The following OPTN variants were observed in gnomAD, a reference collection of about 807,000 sequenced individuals.
The protein encoded by OPTN is E3-14.7K-interacting protein.
Under a neutral mutation model 70.4 loss-of-function variants are expected in OPTN, and 54 were observed. The ratio of observed to expected loss-of-function variants is 0.77; its 90% confidence interval spans 0.62 to 0.96. OPTN has a LOEUF of 0.96. OPTN is among the 40% of genes least tolerant of loss of function. The pLI is 0.00. For missense variants in OPTN, 624 were observed against 673.2 expected (o/e 0.93, Z 0.81); for synonymous variants, 256 against 248.5 (o/e 1.03, Z -0.28).
chr10:13,111,090 T>A (rs1273387544), intron 4 of OPTN, among the ~76,000 whole-genome samples: 1 of 152,106 alleles, frequency 6.6e-6, no homozygotes, highest in Non-Finnish European at 1.5e-5. Flanking sequence ...AAGTTTGAAA[T>A]CCCCACTGGG....
chr10:13,113,896 T>C (rs1003655870), intron 5 of OPTN, among the ~76,000 whole-genome samples: 2 of 147,426 alleles, frequency 1.4e-5, no homozygotes, highest in African/African-American at 5.0e-5. Context: ...TGTGTGTACA[T>C]AAAAAAAAAA....
Position 13,124,003 on chromosome 10 carries a change from C to T in OPTN, c.891C>T (p.Ser297=), listed in dbSNP as rs200169099. ...DEEKGPETVG[S]EVEALNLQVT... is the part of the protein sequence containing the mutation. ...GATTTCCCGTATGATAGGTTGGAAGCGAAGTGGAAGCACTGAACCTCCAGG... is the reference window on the plus strand; with the variant it reads ...GATTTCCCGTATGATAGGTTGGAAGTGAAGTGGAAGCACTGAACCTCCAGG... The change falls in exon 9 of 15, where the codon AGC becomes AGT. Residue 297 remains serine, a synonymous_variant. Coordinates refer to ENST00000378747, the MANE Select transcript of OPTN (RefSeq NM_001008212.2). 36 of 1,612,074 alleles carry T rather than the reference C, an allele frequency of 2.2e-5. No individual in the cohort carries two copies. The highest frequency in any genetic ancestry group is 1.3e-4 in the East Asian group (6 of 44,874).
Position 13,122,462 on chromosome 10 carries a change from A to G in OPTN, c.857A>G (p.Asn286Ser), listed in dbSNP as rs554535164. The G allele has an allele frequency of 3.7e-6, 6 of 1,613,882 alleles. No individual in the cohort carries two copies. The South Asian group carries it at 5.5e-5, about 15-fold the overall frequency. The change falls in exon 8 of 15, where the codon AAT (asparagine) becomes AGT (serine). Residue 286 changes from asparagine to serine, a missense_variant. Physicochemically the swap from Asn to Ser is conservative, Grantham distance 46. Transcript: ENST00000378747. ...ACAGAGGGGAGCACAGAGAAAGAGA[A>G]TGATGAAGAGAAAGGCCCGGAGACT... ...TQTEGSTEKENDEEKGPETVG... is the reference protein window; with the variant it reads ...TQTEGSTEKESDEEKGPETVG...
At chr10:13,118,478 G>A (rs1833268344) in intron 6 of OPTN, among the ~76,000 whole-genome samples, 1 of 152,190 alleles carries the variant, frequency 6.6e-6, no homozygotes, top group African/African-American at 2.4e-5. Context: ...CTTGGAGAAA[G>A]GCCAGTGGTC....
chr10:13,114,918 GA>G, intron 5 of OPTN, among the ~76,000 whole-genome samples: 1 of 37,010 alleles, frequency 2.7e-5, no homozygotes, highest in Non-Finnish European at 5.0e-5. Flanking sequence ...TTTTATAATA[GA>G]TATATCTATA....
At chr10:13,128,731 T>C (rs1564367065) in intron 12 of OPTN, among the ~76,000 whole-genome samples, 1 of 151,620 alleles carries the variant, frequency 6.6e-6, no homozygotes, top group Admixed American at 6.6e-5. Context: ...TTAGTAGAGA[T>C]GGGGTTTCAT....
rs764723754 is a variant in OPTN at position 13,119,034 on chromosome 10, A to C, written c.773A>C (p.Lys258Thr). 1 of 1,614,118 alleles carries C rather than the reference A, an allele frequency of 6.2e-7. No individual in the cohort carries two copies. Among genetic ancestry groups the C allele is most frequent in the Non-Finnish European group, 8.5e-7 (1 of 1,179,958 alleles). Residue 258 changes from lysine to threonine, a missense_variant, in exon 7 of 15, where the codon AAA (lysine) becomes ACA (threonine). Transcript: ENST00000378747. ...CTTGAAGTTGCACTCAAGGAGGCCA[A>C]AGAAAGGTATGAAATAGGTTAACTT... ...ERLEVALKEA[K>T]ERVSDFEKKT...
intron 5 of OPTN, among the ~76,000 whole-genome samples, chr10:13,114,033 C>G (rs1833067900): frequency 6.6e-6 from 1 of 151,930 alleles, no homozygotes; most frequent in African/African-American, 2.4e-5. Flanking sequence ...TGCCGCTGCA[C>G]TCCAGCCTGG....
At position 13,127,901 on chromosome 10, in the gene OPTN, C is replaced by T. The variant is rs758875018; in HGVS notation, c.1399C>T (p.Gln467Ter). The T allele has an allele frequency of 3.7e-6, 6 of 1,614,112 alleles. No homozygotes were observed. The Admixed American group carries it at 8.3e-5, about 22-fold the overall frequency. Residue 467 changes from glutamine (Q) to a stop codon, truncating the protein, a stop_gained and splice_region_variant, in exon 12 of 15, where the codon CAG becomes TAG. Transcript: ENST00000378747. LOFTEE classifies it high-confidence loss of function. ...GGAAACCATGACCATCCTCAGGGCT[C>T]AGGTGAGGCACCTTCCAAAACCCCA... ...DLETMTILRA[Q>*]MEVYCSDFHA...
At chr10:13,128,480 T>G (rs1833517247) in intron 12 of OPTN, among the ~76,000 whole-genome samples, 1 of 143,180 alleles carries the variant, frequency 7.0e-6, no homozygotes, top group Non-Finnish European at 1.5e-5. Context: ...TCCTCTTTTG[T>G]GAAGTGCCTT....
intron 14 of OPTN, among the ~76,000 whole-genome samples, chr10:13,134,903 T>C (rs772712006): frequency 6.6e-6 from 1 of 152,210 alleles, no homozygotes; most frequent in Non-Finnish European, 1.5e-5. Flanking sequence ...CTCCAGGATG[T>C]GCAAGAGGTA....
rs573125581 is a variant in OPTN at position 13,111,948 on chromosome 10, C to T, written c.370-505C>T. 1.9e-4 allele frequency among the ~76,000 whole-genome samples: 27 copies of T among 145,332 alleles called. No homozygotes were observed. In the South Asian group the frequency reaches 4.3e-3, roughly 23 times the overall value. The stretch of plus-strand genomic sequence containing the variant: ...CTGCAAGCTCCGCCTCCCAGGTTCA[C>T]GCCATTGTCCTGCCTCAGCCTCCCG... On this transcript the variant is annotated intron_variant, in intron 4 of 14. Transcript: ENST00000378747.
At chr10:13,106,836 C>CT (rs1326559320) in intron 1 of OPTN, among the ~76,000 whole-genome samples, 1 of 152,232 alleles carries the variant, frequency 6.6e-6, no homozygotes, top group African/African-American at 2.4e-5. Flanking sequence ...GCTCTTATCT[C>CT]TATCTTCCAG....
intron 1 of OPTN, among the ~76,000 whole-genome samples, chr10:13,102,122 G>C (rs776164544): frequency 9.2e-5 from 14 of 152,206 alleles, no homozygotes; most frequent in Non-Finnish European, 1.9e-4. Flanking sequence ...GCTGGACATT[G>C]ATCTGTCCAG....
intron 5 of OPTN, among the ~76,000 whole-genome samples, chr10:13,114,079 AAAAAG>A (rs1157540092): frequency 6.6e-6 from 1 of 152,112 alleles, no homozygotes; most frequent in Non-Finnish European, 1.5e-5. Flanking sequence ...AATTTAAAAA[AAAAAG>A]AAAAGAAAAA....
At chr10:13,111,804 T>C (rs190665582) in intron 4 of OPTN, among the ~76,000 whole-genome samples, 78 of 151,166 alleles carry the variant, frequency 5.2e-4, no homozygotes, top group Non-Finnish European at 9.0e-4. Context: ...TTGAGTCTCA[T>C]GGCCAGGTCC....
chr10:13,136,832 C>T lies in OPTN; in HGVS notation c.1700C>T (p.Thr567Met), dbSNP rs543834222. 15 of 1,614,084 alleles carry T rather than the reference C, an allele frequency of 9.3e-6. No homozygotes were observed. Among genetic ancestry groups the T allele is most frequent in the African/African-American group, 4.0e-5 (3 of 74,936 alleles). ...GGAGAGGTTCTGCCTGACATAGACA[C>T]GTTACAGATTCACGTGATGGATTGC... is the stretch of plus-strand genomic sequence containing the variant. ...KCGEVLPDID[T>M]LQIHVMDCII Residue 567 changes from threonine to methionine, a missense_variant, in exon 15 of 15, where the codon ACG becomes ATG. Coordinates refer to ENST00000378747, the MANE Select transcript of OPTN (RefSeq NM_001008212.2).
Position 13,100,251 on chromosome 10 carries a change from G to A in OPTN, c.-215G>A, listed in dbSNP as rs11548142. On this transcript the variant is annotated 5_prime_UTR_variant, in exon 1 of 15. Coordinates refer to ENST00000378747, the MANE Select transcript of OPTN (RefSeq NM_001008212.2). Reference sequence around the variant, plus strand: ...TCCCGGTCGGGAGTTCTCTCCAGGCGGCACGATGCCGAGGAAACAGTGACC... The same window carrying A: ...TCCCGGTCGGGAGTTCTCTCCAGGCAGCACGATGCCGAGGAAACAGTGACC... 0.2 allele frequency: 29,876 copies of A among 152,900 alleles called. 3,544 individuals are homozygous for A. The highest frequency in any genetic ancestry group is 0.29 in the Middle Eastern group (87 of 296). The allele number at this position is 152,900 out of a possible 1,614,324, so 9.5% of individuals were successfully genotyped here.
chr10:13,108,881 CGCACACACACACATGCACACATGCGCGT>C, intron 2 of OPTN: 1 of 519,422 alleles, frequency 1.9e-6, no homozygotes, highest in Non-Finnish European at 3.6e-6. Context: ...TACACACACA[CGCACACACACACATGCACACATGCGCGT>C]GCACACACAC....
Sources: allele counts gnomAD v4.1 joint callset (sites outside exome capture counted in the v4.1 genomes callset), GRCh38; gene constraint gnomAD v4.1.1; transcripts MANE v1.5; gene names NCBI Gene and HGNC (gene_info 2026-07-23, HGNC 2026-07-21).